The following PTGER4 variants were observed in gnomAD, a reference collection of about 807,000 sequenced individuals.
PTGER4 encodes prostaglandin E receptor 4.
PTGER4 carries 11 observed loss-of-function variants against 33.2 expected under a neutral mutation model. The ratio of observed to expected loss-of-function variants is 0.33; its 90% CI spans 0.21 to 0.55. The LOEUF (loss-of-function observed/expected upper bound fraction) is 0.55. PTGER4 is among the 20% of genes least tolerant of loss of function. PTGER4 has a pLI of 0.92. For missense variants in PTGER4, 481 were observed against 650.2 expected (o/e 0.74, Z 2.83); for synonymous variants, 275 against 281.5 (o/e 0.98, Z 0.23).
chr5:40,706,984 G>T, the PTGER4 span, among the ~76,000 whole-genome samples: 5 of 152,148 alleles, frequency 3.3e-5, no homozygotes, highest in African/African-American at 1.2e-4. Context: ...AATGCTGAGA[G>T]GTTTTGTCAC....
the PTGER4 span, among the ~76,000 whole-genome samples, chr5:40,736,385 C>T: frequency 6.6e-6 from 1 of 152,108 alleles, no homozygotes. Context: ...GAACAAAATG[C>T]ATGGTAAATT....
downstream of PTGER4, among the ~76,000 whole-genome samples, chr5:40,696,476 G>A (rs941910736): frequency 5.9e-5 from 9 of 152,164 alleles, no homozygotes; most frequent in Non-Finnish European, 1.0e-4. Context: ...CTTACAACAA[G>A]AGAGAGCATT....
chr5:40,687,150 A>C (rs1474197982), intron 2 of PTGER4, among the ~76,000 whole-genome samples: 2 of 151,996 alleles, frequency 1.3e-5, no homozygotes, highest in African/African-American at 4.8e-5. Flanking sequence ...GGTTCAAGTG[A>C]TTCTCCTGCC....
the PTGER4 span, chr5:40,714,341 G>A: frequency 6.6e-6 from 1 of 152,194 alleles, no homozygotes; most frequent in East Asian, 1.9e-4. Context: ...TACTGAAATA[G>A]CTGGCATTAC....
the PTGER4 span, among the ~76,000 whole-genome samples, chr5:40,734,314 TTG>T: frequency 2.0e-5 from 3 of 151,972 alleles, no homozygotes; most frequent in African/African-American, 7.3e-5. Context: ...CAACTTCAGT[TTG>T]GAACAGACTG....
chr5:40,726,462 CTTTT>C, the PTGER4 span, among the ~76,000 whole-genome samples: 1 of 146,402 alleles, frequency 6.8e-6, no homozygotes, highest in African/African-American at 2.5e-5. Flanking sequence ...TTTGAGTCAT[CTTTT>C]TTTTTTACCA....
the PTGER4 span, among the ~76,000 whole-genome samples, chr5:40,722,363 G>A: frequency 3.3e-5 from 5 of 151,996 alleles, no homozygotes; most frequent in African/African-American, 4.8e-5. Context: ...CTGCCTGGCC[G>A]CCCATCGTCT....
the PTGER4 span, among the ~76,000 whole-genome samples, chr5:40,706,765 C>G: frequency 6.6e-6 from 1 of 151,474 alleles, no homozygotes; most frequent in African/African-American, 2.4e-5. Context: ...TGAAAACAAA[C>G]AAGCAGCCAG....
At chr5:40,689,778 T>C (rs1414184237) in intron 2 of PTGER4, among the ~76,000 whole-genome samples, 3 of 152,204 alleles carry the variant, frequency 2.0e-5, no homozygotes, top group Non-Finnish European at 2.9e-5. Context: ...TTTCTCCTTT[T>C]TGTGGTTTTT....
the PTGER4 span, chr5:40,716,143 C>G: frequency 6.3e-7 from 1 of 1,591,552 alleles, no homozygotes; most frequent in Non-Finnish European, 8.6e-7. Flanking sequence ...ATGCATACTG[C>G]TTCATCGGGC....
chr5:40,691,135 C>T lies in PTGER4; in HGVS notation c.868-644C>T, dbSNP rs1741458507. ...CGCCGCATTCAAGCCATTCTCCTGC[C>T]TCACCCTCCTGAGTAGCTGGGATTA... On this transcript the variant is annotated intron_variant, in intron 2 of 2. Transcript: ENST00000302472. This position sits in a 1 kb window ranked among gnomAD's most constrained non-coding sequence, Gnocchi z 4.2. Among the ~76,000 whole-genome samples, 1 of 152,222 alleles carries T rather than the reference C, an allele frequency of 6.6e-6. No individual in the cohort carries two copies. Among genetic ancestry groups the T allele is most frequent in the Admixed American group, 6.5e-5 (1 of 15,282 alleles).
the PTGER4 span, among the ~76,000 whole-genome samples, chr5:40,701,608 T>G: frequency 6.6e-6 from 1 of 152,290 alleles, no homozygotes; most frequent in African/African-American, 2.4e-5. Context: ...AGAAAATATA[T>G]TTCAGGATAT....
chr5:40,697,394 T>C (rs1741638068), downstream of PTGER4, among the ~76,000 whole-genome samples: 1 of 151,916 alleles, frequency 6.6e-6, no homozygotes, highest in African/African-American at 2.4e-5. Flanking sequence ...AAAACCAGCC[T>C]AACCAACATG....
chr5:40,713,427 T>G, the PTGER4 span, among the ~76,000 whole-genome samples: 3 of 152,196 alleles, frequency 2.0e-5, no homozygotes. Flanking sequence ...TTTATAGTTT[T>G]ACCATACGGC....
At chr5:40,687,504 G>A (rs1158838661) in intron 2 of PTGER4, among the ~76,000 whole-genome samples, 1 of 152,186 alleles carries the variant, frequency 6.6e-6, no homozygotes, top group Non-Finnish European at 1.5e-5. Context: ...GCACTACTCC[G>A]GATGTCCCCA....
downstream of PTGER4, among the ~76,000 whole-genome samples, chr5:40,694,910 A>G (rs1426485913): frequency 2.6e-5 from 4 of 152,234 alleles, no homozygotes; most frequent in Non-Finnish European, 5.9e-5. Flanking sequence ...GTTTCTTGCT[A>G]TAGGACACTT....
rs773379855 is a variant in PTGER4 at position 40,681,719 on chromosome 5, C to T, written c.726C>T (p.Pro242=). Residue 242 remains proline, a synonymous_variant, in exon 2 of 3, where the codon CCC becomes CCT. Coordinates refer to ENST00000302472, the MANE Select transcript of PTGER4 (RefSeq NM_000958.3). The surrounding 1 kb of genome is among the most constrained non-coding windows in gnomAD (Gnocchi z 9.8). The stretch of plus-strand genomic sequence containing the variant: ...CCTCGGTTGCCTCCCGGGGCCACCC[C>T]GCTGCCTCCCCAGCCTTGCCGCGCC... The part of the protein sequence containing the change: ...AAASVASRGH[P]AASPALPRLS... 5 of 1,593,446 alleles carry T rather than the reference C, an allele frequency of 3.1e-6. No homozygotes were observed. In the Admixed American group the frequency reaches 5.1e-5, roughly 16 times the overall value.
At chr5:40,721,090 G>A in the PTGER4 span, among the ~76,000 whole-genome samples, 3 of 152,154 alleles carry the variant, frequency 2.0e-5, no homozygotes, top group South Asian at 6.2e-4. Context: ...TTTTGCCTAG[G>A]GAAGAAAAGA....
chr5:40,722,554 C>T, the PTGER4 span, among the ~76,000 whole-genome samples: 3 of 151,970 alleles, frequency 2.0e-5, no homozygotes, highest in Admixed American at 6.5e-5. Context: ...TCTGCCTGGC[C>T]GCGACCCCGT....
Sources: gnomAD v4.1 joint callset for allele counts (sites outside exome capture counted in the v4.1 genomes callset) on GRCh38, gnomAD v4.1.1 for gene constraint, Gnocchi (gnomAD v3.1) non-coding constraint, MANE v1.5 for transcripts, NCBI Gene and HGNC (gene_info 2026-07-23, HGNC 2026-07-21) for gene names.